LRP1B: variants seen among roughly 807,000 people sequenced by gnomAD.
The protein encoded by LRP1B is LDL receptor related protein 1B, also known as low-density lipoprotein receptor-related protein 1B.
Under a neutral mutation model 556.6 loss-of-function variants are expected in LRP1B, and 217 were observed. The observed-to-expected ratio is 0.39, with a 90% CI of 0.35 to 0.44. The LOEUF is 0.44. Among genes scored for constraint, LRP1B ranks in the 20% least tolerant of loss-of-function variants. The pLI is 1.00. For missense variants in LRP1B, 5,053 were observed against 5,620.8 expected (o/e 0.90, Z 3.23); for synonymous variants, 2,047 against 1,865.8 (o/e 1.10, Z -2.50).
chr2:140,907,427 T>G (rs1206063555), intron 22 of LRP1B, among the ~76,000 whole-genome samples: 3 of 152,068 alleles, frequency 2.0e-5, no homozygotes, highest in Non-Finnish European at 2.9e-5. Flanking sequence ...CATATTCAAT[T>G]GGCTTTATTA....
At chr2:140,949,591 T>A (rs1040581525) in intron 20 of LRP1B, among the ~76,000 whole-genome samples, 5 of 152,104 alleles carry the variant, frequency 3.3e-5, no homozygotes, top group Admixed American at 1.3e-4. Context: ...TTTCTTTTTT[T>A]TTTATATATT....
chr2:140,329,002 A>G (rs1680649738), intron 79 of LRP1B, among the ~76,000 whole-genome samples: 1 of 152,110 alleles, frequency 6.6e-6, no homozygotes, highest in Non-Finnish European at 1.5e-5. Context: ...TTATTTTCTT[A>G]GAAATTGCTG....
At chr2:141,302,273 C>T (rs190623390) in intron 3 of LRP1B, among the ~76,000 whole-genome samples, 11 of 152,050 alleles carry the variant, frequency 7.2e-5, no homozygotes, top group Admixed American at 1.3e-4. Flanking sequence ...CAAAAGGAAA[C>T]TTTATTTATA....
intron 2 of LRP1B, among the ~76,000 whole-genome samples, chr2:141,761,438 T>G (rs558996507): frequency 4.0e-5 from 6 of 150,978 alleles, no homozygotes; most frequent in African/African-American, 1.5e-4. Context: ...TCAAGCAACA[T>G]AGAAATCATT....
chr2:141,306,203 T>C (rs1301306286), intron 3 of LRP1B, among the ~76,000 whole-genome samples: 1 of 146,320 alleles, frequency 6.8e-6, no homozygotes, highest in East Asian at 2.1e-4. Flanking sequence ...TTATTTAGAA[T>C]AGTTTGAGGA....
chr2:142,073,161 G>T (rs979650828), intron 1 of LRP1B, among the ~76,000 whole-genome samples: 1 of 151,834 alleles, frequency 6.6e-6, no homozygotes, highest in Non-Finnish European at 1.5e-5. Flanking sequence ...ATAAACATTA[G>T]TAGGACTATA....
chr2:141,762,694 T>C (rs761156209), intron 2 of LRP1B, among the ~76,000 whole-genome samples: 5 of 152,198 alleles, frequency 3.3e-5, no homozygotes, highest in Non-Finnish European at 7.4e-5. Context: ...CTGTTTGTCC[T>C]TGTGCATATA....
At chr2:140,855,493 G>GAAAAAAAAAAAAAAAAAAA (rs56835236) in intron 27 of LRP1B, among the ~76,000 whole-genome samples, 4 of 99,406 alleles carry the variant, frequency 4.0e-5, no homozygotes, top group South Asian at 3.8e-4. Context: ...TCTCTACTGG[G>GAAAAAAAAAAAAAAAAAAA]AAAAAAAAAA....
intron 49 of LRP1B, among the ~76,000 whole-genome samples, chr2:140,517,999 G>A (rs1689990816): frequency 6.6e-6 from 1 of 151,982 alleles, no homozygotes; most frequent in African/African-American, 2.4e-5. Flanking sequence ...GTGAGCCACT[G>A]TGCCCAGCCT....
intron 2 of LRP1B, among the ~76,000 whole-genome samples, chr2:141,778,799 G>A (rs1695154361): frequency 6.6e-6 from 1 of 152,112 alleles, no homozygotes; most frequent in South Asian, 2.1e-4. Flanking sequence ...TTGCAGCATA[G>A]AAAAGCAATA....
intron 71 of LRP1B, among the ~76,000 whole-genome samples, chr2:140,367,480 T>C (rs1460328272): frequency 6.6e-6 from 1 of 151,654 alleles, no homozygotes; most frequent in Non-Finnish European, 1.5e-5. Context: ...ACTCCGACAA[T>C]TGAACATCTG....
At chr2:140,555,972 A>G (rs1021292105) in intron 43 of LRP1B, among the ~76,000 whole-genome samples, 5 of 152,082 alleles carry the variant, frequency 3.3e-5, no homozygotes, top group Admixed American at 2.6e-4. Context: ...CGATGCTTCT[A>G]TTCACATACA....
chr2:140,700,554 C>T lies in LRP1B; in HGVS notation c.6495G>A (p.Arg2165=), dbSNP rs1686597039. Residue 2165 remains arginine (R), a synonymous_variant, in exon 41 of 91, where the codon CGG becomes CGA. Transcript: ENST00000389484. The part of the protein sequence containing the change: ...KQLCLYRGNS[R]RTCACAHGYL... The stretch of plus-strand genomic sequence containing the variant: ...ATCCATGGGCACAAGCACAAGTTCT[C>T]CGGGAATTTCCTCGATAAAGACAGA... The T allele has an allele frequency of 1.2e-6, 2 of 1,613,452 alleles. No homozygotes were observed. Among genetic ancestry groups the T allele is most frequent in the Non-Finnish European group, 1.7e-6 (2 of 1,179,672 alleles).
rs1403000738 is a variant in LRP1B, at chr2:140,364,719, C to G, written c.11073G>C (p.Trp3691Cys). 3 of 1,610,124 alleles carry G rather than the reference C, an allele frequency of 1.9e-6. No homozygotes were observed. The highest frequency in any genetic ancestry group is 2.5e-6 in the Non-Finnish European group (3 of 1,177,484). Residue 3691 changes from tryptophan to cysteine, a missense_variant, in exon 72 of 91, where the codon TGG becomes TGC. Trp to Cys is a radical substitution (Grantham distance 215). Transcript: ENST00000389484. ...CNNSLCKLHF[W>C]VCDGEDDCGD... ...CACAGTCGTCCTCTCCATCACACACCCAGAAATGTAGTTTGCAGAGAGAAT... is the reference window on the plus strand; with the variant it reads ...CACAGTCGTCCTCTCCATCACACACGCAGAAATGTAGTTTGCAGAGAGAAT...
rs555626062 is a variant in LRP1B at position 140,856,374 on chromosome 2, CT to C, written c.4580-4592del. ...CACGAAATATTGGTTATAATTATTG[CT>C]TTTACACAGCAATTAGACAATTTAT... On this transcript the variant is annotated intron_variant, in intron 27 of 90. Transcript: ENST00000389484. 8.7e-4 allele frequency among the ~76,000 whole-genome samples: 132 copies of C among 152,220 alleles called. No homozygotes were observed. In the Middle Eastern group the frequency reaches 0.01, roughly 12 times the overall value.
chr2:140,429,912 G>T (rs2105281231), intron 66 of LRP1B, among the ~76,000 whole-genome samples: 1 of 152,138 alleles, frequency 6.6e-6, no homozygotes, highest in Middle Eastern at 3.4e-3. Flanking sequence ...TATACTTTCT[G>T]CTCCCCGGCT....
At chr2:141,623,891 T>A (rs1372977952) in intron 2 of LRP1B, among the ~76,000 whole-genome samples, 4 of 150,466 alleles carry the variant, frequency 2.7e-5, no homozygotes, top group Non-Finnish European at 5.9e-5. Flanking sequence ...GGCAGGTTCG[T>A]GTAATCCCAG....
At chr2:140,641,856 ATATTTCTAAAGGCCAAAC>A in intron 41 of LRP1B, among the ~76,000 whole-genome samples, 1 of 152,252 alleles carries the variant, frequency 6.6e-6, no homozygotes, top group African/African-American at 2.4e-5. Context: ...AATGAAAATA[ATATTTCTAAAGGCCAAAC>A]CTAAGACTGG....
At chr2:141,244,269 G>T (rs1194900987) in intron 5 of LRP1B, among the ~76,000 whole-genome samples, 1 of 152,104 alleles carries the variant, frequency 6.6e-6, no homozygotes, top group Non-Finnish European at 1.5e-5. Flanking sequence ...CATCACTTTG[G>T]CTTGATATTT....
Sources: allele counts gnomAD v4.1 joint callset (sites outside exome capture counted in the v4.1 genomes callset), GRCh38; gene constraint gnomAD v4.1.1; transcripts MANE v1.5; gene names NCBI Gene and HGNC (gene_info 2026-07-23, HGNC 2026-07-21).